The following CNBD2 variants were observed in gnomAD, a reference collection of about 807,000 sequenced individuals.
The protein encoded by CNBD2 is cyclic nucleotide-binding domain-containing protein 2.
CNBD2 carries 64 observed loss-of-function variants against 63.7 expected under a neutral mutation model. The ratio of observed to expected loss-of-function variants is 1.00; its 90% CI spans 0.82 to 1.24. CNBD2 has a LOEUF of 1.24. CNBD2 is among the 50% of genes most tolerant of loss of function. The pLI is 0.00. For missense variants in CNBD2, 691 were observed against 713.5 expected (o/e 0.97, Z 0.36); for synonymous variants, 229 against 255.4 (o/e 0.90, Z 0.99).
chr20:36,027,008 T>C (rs556307829), intron 11 of CNBD2, among the ~76,000 whole-genome samples: 1 of 152,362 alleles, frequency 6.6e-6, no homozygotes, highest in South Asian at 2.1e-4. Flanking sequence ...TGGGCCATAC[T>C]CATTGCAGAA....
chr20:35,970,173 A>G (rs2056392665), intron 1 of CNBD2, among the ~76,000 whole-genome samples: 1 of 152,168 alleles, frequency 6.6e-6, no homozygotes, highest in Non-Finnish European at 1.5e-5. Flanking sequence ...ATATTTTCAC[A>G]ATTTATAGGT....
downstream of CNBD2, chr20:35,958,739 A>G (rs2056281966): frequency 6.6e-6 from 1 of 152,154 alleles, no homozygotes; most frequent in Non-Finnish European, 1.5e-5. Context: ...CACCACAGAG[A>G]TCCCTCGTGC....
intron 9 of CNBD2, among the ~76,000 whole-genome samples, chr20:36,008,832 T>G (rs904030333): frequency 7.2e-5 from 11 of 152,194 alleles, no homozygotes; most frequent in African/African-American, 2.7e-4. Context: ...TCTGTCCATC[T>G]AAGGAAGGCA....
chr20:35,971,570 C>CA (rs1473440444), intron 1 of CNBD2, among the ~76,000 whole-genome samples: 5 of 152,142 alleles, frequency 3.3e-5, no homozygotes, highest in African/African-American at 1.2e-4. Flanking sequence ...CAAGCACCAC[C>CA]ATGCCAGGCT....
intron 5 of CNBD2, 78 bp from the exon 6 acceptor site, chr20:35,984,549 G>C (rs530192967): frequency 6.8e-7 from 1 of 1,464,894 alleles, no homozygotes; most frequent in Admixed American, 1.9e-5. Context: ...GAAGATGGAG[G>C]CACGGAAGAT....
At chr20:36,002,587 G>A (rs2056929520) in intron 8 of CNBD2, among the ~76,000 whole-genome samples, 1 of 152,168 alleles carries the variant, frequency 6.6e-6, no homozygotes, top group Non-Finnish European at 1.5e-5. Context: ...CACTGCACCT[G>A]GCCAACATTT....
intron 6 of CNBD2, among the ~76,000 whole-genome samples, chr20:35,986,556 A>G (rs750632182): frequency 3.3e-5 from 5 of 152,146 alleles, no homozygotes; most frequent in African/African-American, 1.2e-4. Context: ...TACTTCTTCT[A>G]TGGTGGCCCT....
chr20:35,997,646 T>C (rs550978317), intron 8 of CNBD2, among the ~76,000 whole-genome samples: 1 of 152,340 alleles, frequency 6.6e-6, no homozygotes, highest in Admixed American at 6.5e-5. Flanking sequence ...CCTCGTAGGA[T>C]TGTAATGACA....
intron 6 of CNBD2, 49 bp downstream of exon 6, chr20:35,984,827 C>T (rs962964666): frequency 6.3e-6 from 10 of 1,589,476 alleles, no homozygotes; most frequent in Middle Eastern, 1.7e-4. Flanking sequence ...TGTTTATTAG[C>T]TGCCTGACTT....
chr20:35,990,565 T>C (rs1260216390), intron 7 of CNBD2, among the ~76,000 whole-genome samples: 2 of 151,770 alleles, frequency 1.3e-5, no homozygotes, highest in Non-Finnish European at 2.9e-5. Flanking sequence ...GAGGTGGAGG[T>C]TGCAGTGAGC....
At chr20:35,984,177 T>G in intron 5 of CNBD2, 39 bp downstream of exon 5, 1 of 1,559,362 alleles carries the variant, frequency 6.4e-7, no homozygotes, top group South Asian at 1.2e-5. Flanking sequence ...TGGGGTGGAG[T>G]GGGTGGAGGT....
At chr20:36,007,219 A>AATAG (rs1192686625) in intron 8 of CNBD2, among the ~76,000 whole-genome samples, 14 of 152,168 alleles carry the variant, frequency 9.2e-5, no homozygotes, top group African/African-American at 1.7e-4. Context: ...TAAATAAATA[A>AATAG]GATCATACAG....
At chr20:35,972,550 T>C (rs2056434669) in intron 1 of CNBD2, 79 bp from the exon 2 acceptor site, 5 of 1,381,598 alleles carry the variant, frequency 3.6e-6, no homozygotes, top group Middle Eastern at 1.8e-4. Flanking sequence ...AAATTTCACC[T>C]TGTTCAGCAC....
Position 36,008,503 on chromosome 20 carries a change from G to A in CNBD2, c.1148+29G>A, listed in dbSNP as rs553767016. Reference sequence around the variant, plus strand: ...AGCTCAGCCCTGGGCAGATAGACGGGTCCAGATTGTGGTTGCAAAGGGAGA... The same window carrying A: ...AGCTCAGCCCTGGGCAGATAGACGGATCCAGATTGTGGTTGCAAAGGGAGA... On this transcript the variant is annotated intron_variant, in intron 9 of 11. Transcript: ENST00000373973. 31 of 1,579,696 alleles carry A rather than the reference G, an allele frequency of 2.0e-5. No individual in the cohort carries two copies. In the South Asian group the frequency reaches 3.4e-4, roughly 17 times the overall value.
chr20:35,991,287 A>C (rs1245792986), intron 7 of CNBD2, among the ~76,000 whole-genome samples: 1 of 152,266 alleles, frequency 6.6e-6, no homozygotes, highest in Admixed American at 6.5e-5. Context: ...TATTATTTAT[A>C]AATTGTGTGT....
chr20:36,030,562 A>T lies in CNBD2; in HGVS notation c.1645A>T (p.Met549Leu), dbSNP rs747357966. The change falls in exon 12 of 12, where the codon ATG (methionine) becomes TTG (leucine). Residue 549 changes from methionine (M) to leucine (L), a missense_variant. Transcript: ENST00000373973. ...GACTAAACCTCGTTATCCTATTTTT[A>T]TGGCACCCCAGAAATACCTCCCCCC... is the stretch of plus-strand genomic sequence containing the variant. ...KTTKPRYPIF[M>L]APQKYLPPLR... The T allele has an allele frequency of 6.2e-7, 1 of 1,614,088 alleles. No individual in the cohort carries two copies. Among genetic ancestry groups the T allele is most frequent in the Non-Finnish European group, 8.5e-7 (1 of 1,180,006 alleles).
intron 7 of CNBD2, among the ~76,000 whole-genome samples, chr20:35,993,109 ATGT>A (rs2056770192): frequency 2.0e-5 from 3 of 152,082 alleles, no homozygotes; most frequent in African/African-American, 4.8e-5. Context: ...AACCGGGCTC[ATGT>A]TGTTTCTCTG....
intron 11 of CNBD2, among the ~76,000 whole-genome samples, chr20:36,028,547 G>A (rs986400169): frequency 1.3e-5 from 2 of 152,162 alleles, no homozygotes; most frequent in Admixed American, 6.5e-5. Context: ...CGGCCCATGT[G>A]GGGTAGAATG....
chr20:35,975,805 A>G, intron 2 of CNBD2, 144 bp from the exon 3 acceptor site: 2 of 625,300 alleles, frequency 3.2e-6, no homozygotes, highest in Non-Finnish European at 5.7e-6. Flanking sequence ...GAGCAGAGGC[A>G]GGCCTGAAAG....
Sources: gnomAD v4.1 joint callset for allele counts (sites outside exome capture counted in the v4.1 genomes callset) on GRCh38, gnomAD v4.1.1 for gene constraint, MANE v1.5 for transcripts, NCBI Gene and HGNC (gene_info 2026-07-23, HGNC 2026-07-21) for gene names.